Variants in CDK5RAP2 observed in about 807,000 individuals in gnomAD.
CDK5RAP2 encodes the protein CDK5 regulatory subunit associated protein 2, also known as CDK5 regulatory subunit-associated protein 2.
A neutral mutation model predicts 232.9 loss-of-function variants in CDK5RAP2; 147 were observed. The observed-to-expected ratio is 0.63, with a 90% CI of 0.55 to 0.72. The LOEUF (loss-of-function observed/expected upper bound fraction) is 0.72, where lower values mean the gene tolerates loss of function less well. CDK5RAP2 is among the 30% of genes least tolerant of loss of function. The pLI is 0.00. For synonymous variants in CDK5RAP2, 833 were observed against 833.7 expected, an observed-to-expected ratio of 1.00 and a Z score of 0.01; for missense variants, 2,195 against 2,231.5, an observed-to-expected ratio of 0.98 and a Z score of 0.33.
chr9:120,548,372 A>C (rs2041927397), intron 4 of CDK5RAP2, among the ~76,000 whole-genome samples: 2 of 152,216 alleles, frequency 1.3e-5, no homozygotes, highest in Admixed American at 1.3e-4. Context: ...TAATACATTT[A>C]AAAGAATGAA....
chr9:120,542,425 AACCC>A (rs1171358876), intron 5 of CDK5RAP2, among the ~76,000 whole-genome samples: 2 of 151,932 alleles, frequency 1.3e-5, no homozygotes, highest in African/African-American at 2.4e-5. Flanking sequence ...GAATCACTTG[AACCC>A]GGGTTGTACT....
At chr9:120,402,746 C>T (rs1463284171) in intron 34 of CDK5RAP2, 60 bp downstream of exon 34, 3 of 1,598,672 alleles carry the variant, frequency 1.9e-6, no homozygotes, top group Admixed American at 3.3e-5. Flanking sequence ...GACTCCCCTC[C>T]CCCTTCCACC....
intron 14 of CDK5RAP2, among the ~76,000 whole-genome samples, chr9:120,479,004 A>G (rs1017201253): frequency 3.3e-5 from 5 of 152,172 alleles, no homozygotes; most frequent in Non-Finnish European, 5.9e-5. Flanking sequence ...CAAAGCTGAA[A>G]AAATTTTTAA....
intron 11 of CDK5RAP2, among the ~76,000 whole-genome samples, chr9:120,520,970 A>T (rs898974800): frequency 2.0e-5 from 3 of 151,986 alleles, no homozygotes; most frequent in African/African-American, 7.3e-5. Context: ...CTCATGTATC[A>T]TATGAGATAT....
intron 12 of CDK5RAP2, among the ~76,000 whole-genome samples, chr9:120,497,527 T>G (rs2039366769): frequency 6.9e-6 from 1 of 144,230 alleles, no homozygotes; most frequent in South Asian, 2.4e-4. Context: ...TCAAAAGATC[T>G]CCCCACAAAA....
At chr9:120,560,516 CACAGTCTCAAG>C (rs1262113516) in intron 3 of CDK5RAP2, among the ~76,000 whole-genome samples, 2 of 152,232 alleles carry the variant, frequency 1.3e-5, no homozygotes, top group Non-Finnish European at 2.9e-5. Context: ...CCAGCCCATT[CACAGTCTCAAG>C]ACAGTATGGC....
intron 11 of CDK5RAP2, among the ~76,000 whole-genome samples, chr9:120,524,591 T>C (rs754487213): frequency 2.0e-5 from 3 of 151,720 alleles, no homozygotes; most frequent in Admixed American, 6.6e-5. Context: ...TGAGCAGAGA[T>C]TGCATCACTG....
intron 13 of CDK5RAP2, among the ~76,000 whole-genome samples, chr9:120,488,797 T>C (rs1410849635): frequency 5.9e-5 from 9 of 152,264 alleles, no homozygotes; most frequent in African/African-American, 2.4e-5. Flanking sequence ...CATCAAAAAA[T>C]TGACCATCTG....
At chr9:120,399,850 A>G (rs185635188) in intron 35 of CDK5RAP2, among the ~76,000 whole-genome samples, 16 of 152,328 alleles carry the variant, frequency 1.1e-4, no homozygotes. Context: ...CAGGATCCCA[A>G]AAGTGAAATC....
chr9:120,408,501 G>T, intron 30 of CDK5RAP2, 33 bp from the exon 31 acceptor site: 1 of 1,613,586 alleles, frequency 6.2e-7, no homozygotes, highest in South Asian at 1.1e-5. Context: ...AGAAGGACAG[G>T]TTAATTCTAC....
chr9:120,402,681 G>A, intron 34 of CDK5RAP2, 125 bp downstream of exon 34: 1 of 1,086,020 alleles, frequency 9.2e-7, no homozygotes, highest in Non-Finnish European at 1.4e-6. Context: ...GCTCTCTGAG[G>A]CCACACTTCC....
intron 25 of CDK5RAP2, among the ~76,000 whole-genome samples, chr9:120,433,628 T>C (rs1367510534): frequency 1.3e-5 from 2 of 152,272 alleles, no homozygotes; most frequent in South Asian, 2.1e-4. Context: ...GTTATTTCTC[T>C]ATGCCTCAGT....
At chr9:120,574,483 C>G (rs1269600567) in intron 1 of CDK5RAP2, among the ~76,000 whole-genome samples, 1 of 152,238 alleles carries the variant, frequency 6.6e-6, no homozygotes, top group Non-Finnish European at 1.5e-5. Flanking sequence ...TACTCAAAAT[C>G]ACAAAAGTTA....
chr9:120,563,756 G>A (rs1437445433), intron 3 of CDK5RAP2, among the ~76,000 whole-genome samples: 2 of 152,200 alleles, frequency 1.3e-5, no homozygotes, highest in Non-Finnish European at 2.9e-5. Flanking sequence ...AGTGGGGCAG[G>A]GGTGGAAGGT....
intron 10 of CDK5RAP2, among the ~76,000 whole-genome samples, chr9:120,526,622 C>T (rs1261429511): frequency 1.3e-5 from 2 of 152,124 alleles, no homozygotes; most frequent in Non-Finnish European, 2.9e-5. Flanking sequence ...CTGCAATTCA[C>T]TCTCCAGATA....
At chr9:120,575,556 T>C (rs2043003062) in intron 1 of CDK5RAP2, among the ~76,000 whole-genome samples, 1 of 152,342 alleles carries the variant, frequency 6.6e-6, no homozygotes, top group Non-Finnish European at 1.5e-5. Flanking sequence ...ATGAGAGTCA[T>C]GGATGAGACC....
chr9:120,419,728 G>A, intron 27 of CDK5RAP2, 60 bp downstream of exon 27: 1 of 1,329,248 alleles, frequency 7.5e-7, no homozygotes, highest in Non-Finnish European at 1.1e-6. Context: ...CTAAGGTTAA[G>A]ATGGCAAATT....
intron 23 of CDK5RAP2, among the ~76,000 whole-genome samples, chr9:120,442,968 G>A (rs1819841392): frequency 6.6e-6 from 1 of 151,790 alleles, no homozygotes; most frequent in Non-Finnish European, 1.5e-5. Flanking sequence ...TTAATGAAGG[G>A]GGAAAAATAT....
At chr9:120,485,650 G>A (rs2038561287) in intron 14 of CDK5RAP2, among the ~76,000 whole-genome samples, 1 of 152,140 alleles carries the variant, frequency 6.6e-6, no homozygotes, top group Admixed American at 6.5e-5. Flanking sequence ...AAGTAATGAA[G>A]ATATTTCCAA....
Sources: allele counts gnomAD v4.1 joint callset (sites outside exome capture counted in the v4.1 genomes callset), GRCh38; gene constraint gnomAD v4.1.1; transcripts MANE v1.5; gene names NCBI Gene and HGNC (gene_info 2026-07-23, HGNC 2026-07-21).